Variants in NPAS3 observed in about 807,000 individuals in gnomAD.
NPAS3 encodes neuronal PAS domain-containing protein 3.
A neutral mutation model predicts 73.1 loss-of-function variants in NPAS3; 14 were observed. That is an observed-to-expected ratio of 0.19 (90% confidence interval 0.13 to 0.30). The LOEUF is 0.30. NPAS3 is among the 10% of genes least tolerant of loss of function. The pLI is 1.00. For synonymous variants in NPAS3, 620 were observed against 541.5 expected (o/e 1.14, Z -2.01); for missense variants, 1,096 against 1,250.0 (o/e 0.88, Z 1.86).
intron 2 of NPAS3, among the ~76,000 whole-genome samples, chr14:33,095,771 C>T (rs961832847): frequency 1.3e-5 from 2 of 149,222 alleles, no homozygotes; most frequent in African/African-American, 4.9e-5. Context: ...CGGGTTCACG[C>T]CATTCTCCTG....
chr14:33,739,624 ATTTGT>A (rs1023321805), intron 7 of NPAS3, among the ~76,000 whole-genome samples: 1 of 152,130 alleles, frequency 6.6e-6, no homozygotes, highest in Non-Finnish European at 1.5e-5. Context: ...ATTTTAACAG[ATTTGT>A]TTTATTTGGA....
intron 6 of NPAS3, among the ~76,000 whole-genome samples, chr14:33,731,042 C>CT (rs1256841954): frequency 2.6e-5 from 4 of 151,730 alleles, no homozygotes; most frequent in East Asian, 1.9e-4. Context: ...TTTCTCAAAA[C>CT]TTTTTTTTTC....
chr14:33,727,609 A>T (rs1416807842), intron 6 of NPAS3, among the ~76,000 whole-genome samples: 2 of 150,406 alleles, frequency 1.3e-5, no homozygotes, highest in East Asian at 1.9e-4. Flanking sequence ...GTTTGTCATT[A>T]AAAAAAAAGA....
At chr14:33,419,852 A>G (rs1302951541) in intron 4 of NPAS3, among the ~76,000 whole-genome samples, 2 of 151,934 alleles carry the variant, frequency 1.3e-5, no homozygotes, top group African/African-American at 4.8e-5. Flanking sequence ...ACAAGTAGGT[A>G]AAGTGAGATT....
chr14:33,797,198 C>G (rs866970151), intron 10 of NPAS3, among the ~76,000 whole-genome samples: 2 of 152,170 alleles, frequency 1.3e-5, no homozygotes, highest in Non-Finnish European at 2.9e-5. Flanking sequence ...CCCAGTGGTA[C>G]CTGATTATTT....
At chr14:33,403,567 C>A (rs535478050) in intron 4 of NPAS3, among the ~76,000 whole-genome samples, 3 of 152,182 alleles carry the variant, frequency 2.0e-5, no homozygotes, top group Admixed American at 6.5e-5. Context: ...TGGGGTTGGT[C>A]ATTTGAATGG....
chr14:33,177,132 C>G (rs191002023), intron 2 of NPAS3, among the ~76,000 whole-genome samples: 3 of 146,728 alleles, frequency 2.0e-5, no homozygotes, highest in African/African-American at 7.6e-5. Flanking sequence ...GAGTCTTGCT[C>G]TGTTGCCAGG....
chr14:33,505,380 T>C (rs940545340), intron 4 of NPAS3, among the ~76,000 whole-genome samples: 1 of 152,030 alleles, frequency 6.6e-6, no homozygotes, highest in Non-Finnish European at 1.5e-5. Context: ...ATTCCAACTT[T>C]AGCAATTTCT....
intron 2 of NPAS3, among the ~76,000 whole-genome samples, chr14:33,147,487 A>T: frequency 6.6e-6 from 1 of 151,918 alleles, no homozygotes; most frequent in South Asian, 2.1e-4. Context: ...GGTGATAGAA[A>T]TAAAAATGAC....
intron 4 of NPAS3, among the ~76,000 whole-genome samples, chr14:33,476,170 CAGAA>C (rs1308141009): frequency 6.6e-6 from 1 of 152,148 alleles, no homozygotes; most frequent in Non-Finnish European, 1.5e-5. Context: ...TATGAGCTGT[CAGAA>C]AGAGAAATCT....
intron 1 of NPAS3, among the ~76,000 whole-genome samples, chr14:33,034,988 A>G (rs577032077): frequency 4.6e-5 from 7 of 152,338 alleles, no homozygotes; most frequent in Non-Finnish European, 1.0e-4. Flanking sequence ...CATAGAAAAA[A>G]TATCACATTG....
intron 4 of NPAS3, among the ~76,000 whole-genome samples, chr14:33,489,821 A>T (rs1427682027): frequency 1.3e-5 from 2 of 152,096 alleles, no homozygotes; most frequent in Non-Finnish European, 2.9e-5. Flanking sequence ...TTGTTTTGTA[A>T]TACTGTTTTA....
At chr14:32,946,550 C>T (rs1436199517) in intron 1 of NPAS3, among the ~76,000 whole-genome samples, 1 of 152,088 alleles carries the variant, frequency 6.6e-6, no homozygotes, top group Non-Finnish European at 1.5e-5. Context: ...TATGCAAGAT[C>T]TCAGTAGCAG....
intron 7 of NPAS3, among the ~76,000 whole-genome samples, chr14:33,773,899 C>T (rs981752564): frequency 4.6e-5 from 7 of 152,130 alleles, no homozygotes; most frequent in South Asian, 2.1e-4. Flanking sequence ...AACCCCTGAA[C>T]GAAGGAGGGC....
intron 3 of NPAS3, among the ~76,000 whole-genome samples, chr14:33,248,731 C>T (rs1259011695): frequency 6.6e-6 from 1 of 152,148 alleles, no homozygotes; most frequent in South Asian, 2.1e-4. Context: ...ATAATGATAG[C>T]TTTGACCTTC....
intron 4 of NPAS3, among the ~76,000 whole-genome samples, chr14:33,526,542 A>G (rs1595087666): frequency 1.3e-5 from 2 of 151,998 alleles, no homozygotes; most frequent in African/African-American, 4.8e-5. Flanking sequence ...CCACTGGTGA[A>G]TTAAACAGCT....
chr14:33,536,210 G>A (rs1283841736), intron 4 of NPAS3, among the ~76,000 whole-genome samples: 1 of 152,188 alleles, frequency 6.6e-6, no homozygotes, highest in South Asian at 2.1e-4. Flanking sequence ...AATATGTAAA[G>A]TGGATAGAAT....
At chr14:33,564,669 G>A (rs2055836495) in intron 5 of NPAS3, among the ~76,000 whole-genome samples, 1 of 152,198 alleles carries the variant, frequency 6.6e-6, no homozygotes, top group Non-Finnish European at 1.5e-5. Flanking sequence ...ATCGTTGCCA[G>A]AGGCAGAGGA....
At chr14:33,746,188 TTTA>T (rs965456641) in intron 7 of NPAS3, among the ~76,000 whole-genome samples, 6 of 150,674 alleles carry the variant, frequency 4.0e-5, no homozygotes, top group African/African-American at 1.5e-4. Context: ...TATTTATTTA[TTTA>T]TTTATTTATT....
Sources: allele counts gnomAD v4.1 joint callset (sites outside exome capture counted in the v4.1 genomes callset), GRCh38; gene constraint gnomAD v4.1.1; transcripts MANE v1.5; gene names NCBI Gene and HGNC (gene_info 2026-07-23, HGNC 2026-07-21).